RBFOX1: variants seen among roughly 807,000 people sequenced by gnomAD.
The protein encoded by RBFOX1 is RNA binding fox-1 homolog 1, also known as RNA binding protein fox-1 homolog 1.
A neutral mutation model predicts 57.7 loss-of-function variants in RBFOX1; 8 were observed. The observed-to-expected ratio is 0.14, with a 90% CI of 0.08 to 0.25. RBFOX1 has a LOEUF of 0.25. Ranked by LOEUF, RBFOX1 falls within the 10% of genes least tolerant of loss-of-function variation. RBFOX1 has a pLI of 1.00. For missense variants in RBFOX1, 611 were observed against 548.5 expected (o/e 1.11, Z -1.14); for synonymous variants, 326 against 222.4 (o/e 1.47, Z -4.15).
chr16:5,611,721 T>TCCATCCATCCAC (rs2047804041), intron 3 of RBFOX1, among the ~76,000 whole-genome samples: 1 of 138,892 alleles, frequency 7.2e-6, no homozygotes, highest in African/African-American at 2.7e-5. Flanking sequence ...CATCCATCTA[T>TCCATCCATCCAC]CCATCCATCC....
chr16:7,428,927 C>T (rs190202419), intron 4 of RBFOX1, among the ~76,000 whole-genome samples: 4 of 152,048 alleles, frequency 2.6e-5, no homozygotes, highest in East Asian at 1.9e-4. Context: ...ACATGTAGGT[C>T]GTAAAGTACA....
At chr16:7,388,791 G>A (rs558766754) in intron 4 of RBFOX1, among the ~76,000 whole-genome samples, 1 of 151,720 alleles carries the variant, frequency 6.6e-6, no homozygotes, top group Non-Finnish European at 1.5e-5. Context: ...TTGTCCAAAT[G>A]TAGGCTAATA....
At chr16:5,572,161 G>T (rs546380686) in intron 2 of RBFOX1, among the ~76,000 whole-genome samples, 1 of 152,298 alleles carries the variant, frequency 6.6e-6, no homozygotes, top group African/African-American at 2.4e-5. Context: ...GGTCCGTGGA[G>T]CCATAGAAGC....
Position 6,253,699 on chromosome 16 carries a change from G to GTGTGTATATATA in RBFOX1, c.-126-63295_-126-63294insGTGTATATATAT, listed in dbSNP as rs71145205. Among the ~76,000 whole-genome samples, 1,334 of 142,412 alleles carry GTGTGTATATATA rather than the reference G, an allele frequency of 9.4e-3. 10 individuals are homozygous for GTGTGTATATATA. The highest frequency in any genetic ancestry group is 0.011 in the Non-Finnish European group (707 of 65,308). 93.4% of individuals were successfully genotyped at this position (142,412 alleles called of 152,430 possible). ...CATGTGTGTGTGTGTGTGTGTGTGT[G>GTGTGTATATATA]TATATATATATATATGTACCTATAC... On this transcript the variant is annotated intron_variant, in intron 1 of 15. Coordinates refer to ENST00000550418, the MANE Select transcript of RBFOX1 (RefSeq NM_018723.4).
At chr16:6,483,263 C>T (rs369817072) in intron 2 of RBFOX1, 2 of 1,307,668 alleles carry the variant, frequency 1.5e-6, no homozygotes, top group East Asian at 3.3e-5. Context: ...TGTGCGCGCC[C>T]GGGTGTTGAT....
chr16:5,280,953 T>TTTA (rs149205952), intron 1 of RBFOX1, among the ~76,000 whole-genome samples: 151,055 of 151,716 alleles, frequency 1, 75,204 homozygotes, highest in Middle Eastern at 1. Context: ...TGCTATGTTA[T>TTTA]TTATTTTTTC....
At chr16:7,356,136 C>A (rs924696155) in intron 4 of RBFOX1, among the ~76,000 whole-genome samples, 1 of 152,160 alleles carries the variant, frequency 6.6e-6, no homozygotes. Context: ...GTATGTTCAT[C>A]CAATCCTTTA....
intron 2 of RBFOX1, among the ~76,000 whole-genome samples, chr16:6,619,608 C>G (rs563156256): frequency 3.3e-5 from 5 of 151,494 alleles, no homozygotes; most frequent in South Asian, 2.1e-4. Context: ...GGGTAGGAGA[C>G]TGCCTTTTTG....
chr16:7,344,726 A>G (rs1428807223), intron 4 of RBFOX1, among the ~76,000 whole-genome samples: 1 of 152,144 alleles, frequency 6.6e-6, no homozygotes, highest in African/African-American at 2.4e-5. Context: ...AAGTGGAACA[A>G]TTTGCCCTCA....
chr16:5,659,566 G>A (rs111880530), intron 3 of RBFOX1, among the ~76,000 whole-genome samples: 4,888 of 152,180 alleles, frequency 0.032, 254 homozygotes, highest in African/African-American at 0.11. Flanking sequence ...GCCTCCCAAA[G>A]TGCTGGGATT....
At chr16:5,821,461 C>T (rs1169566076) in intron 3 of RBFOX1, among the ~76,000 whole-genome samples, 1 of 151,952 alleles carries the variant, frequency 6.6e-6, no homozygotes, top group Non-Finnish European at 1.5e-5. Flanking sequence ...TGCCACTAAG[C>T]CCAGCTAATT....
intron 3 of RBFOX1, among the ~76,000 whole-genome samples, chr16:5,794,530 G>T (rs2054811494): frequency 6.6e-6 from 1 of 151,980 alleles, no homozygotes; most frequent in African/African-American, 2.4e-5. Context: ...GTGTGTGTGT[G>T]GTGTGTGCAG....
At chr16:7,707,516 G>A (rs547594594) in intron 14 of RBFOX1, among the ~76,000 whole-genome samples, 32 of 152,230 alleles carry the variant, frequency 2.1e-4, no homozygotes, top group Middle Eastern at 3.4e-3. Flanking sequence ...CCTTCATTCA[G>A]GAAATGGTCA....
chr16:7,254,696 T>A (rs983068059), intron 4 of RBFOX1, among the ~76,000 whole-genome samples: 9 of 152,126 alleles, frequency 5.9e-5, no homozygotes, highest in African/African-American at 2.2e-4. Flanking sequence ...AGAAAGACAT[T>A]CACAAGCCAT....
chr16:6,250,432 C>T (rs1295876233), intron 1 of RBFOX1, among the ~76,000 whole-genome samples: 2 of 152,120 alleles, frequency 1.3e-5, no homozygotes, highest in African/African-American at 4.8e-5. Context: ...TCTAGATTAT[C>T]TTTATGTCAA....
At chr16:5,955,766 A>G (rs1056929091) in intron 4 of RBFOX1, among the ~76,000 whole-genome samples, 17 of 152,226 alleles carry the variant, frequency 1.1e-4, no homozygotes, top group African/African-American at 4.1e-4. Flanking sequence ...GTATCAGTCA[A>G]TAAGAAAAAG....
chr16:7,710,279 A>G (rs1230128863), intron 15 of RBFOX1: 3 of 1,118,020 alleles, frequency 2.7e-6, no homozygotes, highest in South Asian at 2.8e-5. Context: ...GAGTTGAATT[A>G]CATTCAACAA....
chr16:5,286,956 C>G (rs1230245142), intron 1 of RBFOX1, among the ~76,000 whole-genome samples: 1 of 152,134 alleles, frequency 6.6e-6, no homozygotes, highest in Non-Finnish European at 1.5e-5. Context: ...GCTGGGCCAA[C>G]TTTTTCTAAA....
chr16:6,815,391 G>A (rs1028487436), intron 3 of RBFOX1, among the ~76,000 whole-genome samples: 1 of 152,128 alleles, frequency 6.6e-6, no homozygotes, highest in South Asian at 2.1e-4. Context: ...CAGCCCAGTA[G>A]ATCTCAGCCT....
Sources: gnomAD v4.1 joint callset for allele counts (sites outside exome capture counted in the v4.1 genomes callset) on GRCh38, gnomAD v4.1.1 for gene constraint, MANE v1.5 for transcripts, NCBI Gene and HGNC (gene_info 2026-07-23, HGNC 2026-07-21) for gene names.